Variants in RABGAP1 observed in about 807,000 individuals in gnomAD.
RABGAP1 encodes RAB GTPase activating protein 1.
RABGAP1 carries 23 observed loss-of-function variants against 137.6 expected under a neutral mutation model. That is an observed-to-expected ratio of 0.17 (90% CI 0.12 to 0.24). RABGAP1 has a LOEUF of 0.24. Ranked by LOEUF, RABGAP1 falls within the 10% of genes least tolerant of loss-of-function variation. The pLI is 1.00. For missense variants in RABGAP1, 906 were observed against 1,275.8 expected (o/e 0.71, Z 4.42); for synonymous variants, 451 against 450.7 (o/e 1.00, Z -0.01).
intron 2 of RABGAP1, among the ~76,000 whole-genome samples, chr9:122,970,782 C>G (rs931983953): frequency 4.6e-5 from 7 of 152,200 alleles, no homozygotes; most frequent in African/African-American, 1.7e-4. Context: ...GTAACTATCA[C>G]AGGATAGGAA....
chr9:122,949,034 C>T (rs1834084586), intron 1 of RABGAP1, among the ~76,000 whole-genome samples: 1 of 152,176 alleles, frequency 6.6e-6, no homozygotes, highest in Non-Finnish European at 1.5e-5. Context: ...GGTTTATACT[C>T]AGTAATTGCT....
intron 15 of RABGAP1, among the ~76,000 whole-genome samples, chr9:123,072,799 C>G (rs933953741): frequency 6.6e-6 from 1 of 152,234 alleles, no homozygotes; most frequent in Non-Finnish European, 1.5e-5. Flanking sequence ...CCTCCATCAT[C>G]TTGTTCCATA....
At chr9:123,099,437 C>T in intron 23 of RABGAP1, 41 bp from the exon 24 acceptor site, 9 of 1,535,672 alleles carry the variant, frequency 5.9e-6, no homozygotes, top group Non-Finnish European at 8.1e-6. Flanking sequence ...CAGATGATTA[C>T]AATTGCTCAA....
At chr9:122,953,085 T>C (rs915578942) in intron 1 of RABGAP1, among the ~76,000 whole-genome samples, 5 of 152,220 alleles carry the variant, frequency 3.3e-5, no homozygotes, top group Non-Finnish European at 7.3e-5. Context: ...TTTTCCTCAG[T>C]AATGTGTTTC....
chr9:122,951,906 C>T (rs539384195), intron 1 of RABGAP1, among the ~76,000 whole-genome samples: 87 of 152,294 alleles, frequency 5.7e-4, no homozygotes, highest in Non-Finnish European at 9.4e-4. Context: ...TATGGAGATG[C>T]ATTTTATGCT....
rs145451585 is a variant in RABGAP1, at chr9:123,101,617, C to T, written c.2941C>T (p.Arg981Cys). The stretch of plus-strand genomic sequence containing the variant: ...CCGGGAATTTTTCAACAAAGAAGGG[C>T]GTGTAAAAGGCATAAGCTCAACCAA... ...RCREFFNKEG[R>C]VKGISSTKEV... The change falls in exon 25 of 26, where the codon CGT becomes TGT. Residue 981 changes from arginine (R) to cysteine (C), a missense_variant. Physicochemically the swap from Arg to Cys is radical, Grantham distance 180. This residue lies in a region of RABGAP1 where 193 missense variants were observed against 248.1 expected (regional missense o/e 0.78). Transcript: ENST00000373647. 883 of 1,613,840 alleles carry T rather than the reference C, an allele frequency of 5.5e-4. 2 individuals are homozygous for T. Among genetic ancestry groups the T allele is most frequent in the Middle Eastern group, 3.5e-3 (21 of 6,062 alleles).
intron 10 of RABGAP1, among the ~76,000 whole-genome samples, chr9:123,000,847 C>T (rs920169302): frequency 2.6e-5 from 4 of 151,766 alleles, no homozygotes; most frequent in Non-Finnish European, 5.9e-5. Context: ...CATACTGTTT[C>T]TGTCTTTGTC....
At chr9:122,955,524 G>A (rs1564356835) in intron 1 of RABGAP1, among the ~76,000 whole-genome samples, 1 of 152,180 alleles carries the variant, frequency 6.6e-6, no homozygotes, top group Non-Finnish European at 1.5e-5. Flanking sequence ...TTAAATAAAA[G>A]GCAGCAGAGA....
chr9:122,938,132 G>A (rs1429381421), upstream of RABGAP1: 3 of 152,114 alleles, frequency 2.0e-5, no homozygotes, highest in African/African-American at 4.8e-5. Context: ...TAAAATACCC[G>A]CGGAACCCTG....
At chr9:122,956,062 A>T (rs1834499439) in intron 1 of RABGAP1, among the ~76,000 whole-genome samples, 1 of 152,266 alleles carries the variant, frequency 6.6e-6, no homozygotes, top group Non-Finnish European at 1.5e-5. Context: ...ATGAATTTTC[A>T]TAAGTGACAC....
At chr9:123,062,444 A>G (rs1343849107) in intron 13 of RABGAP1, 1 of 152,232 alleles carries the variant, frequency 6.6e-6, no homozygotes. Flanking sequence ...ACTCATCATT[A>G]TTAGAATTTC....
chr9:123,099,357 G>A, intron 23 of RABGAP1, 121 bp from the exon 24 acceptor site: 2 of 886,500 alleles, frequency 2.3e-6, no homozygotes, highest in Non-Finnish European at 3.6e-6. Flanking sequence ...CCCCTCCTGA[G>A]CGGTAGCAGG....
intron 21 of RABGAP1, 148 bp downstream of exon 21, chr9:123,090,533 C>T: frequency 1.7e-6 from 1 of 594,732 alleles, no homozygotes; most frequent in Non-Finnish European, 2.9e-6. Flanking sequence ...TGTCACTTCC[C>T]TCCTTTCCTT....
intron 25 of RABGAP1, among the ~76,000 whole-genome samples, chr9:123,102,722 G>A (rs1250808604): frequency 6.6e-6 from 1 of 152,128 alleles, no homozygotes; most frequent in African/African-American, 2.4e-5. Context: ...GGAAGAGAGT[G>A]TGTGGATCCA....
chr9:122,933,555 G>A, the RABGAP1 span, among the ~76,000 whole-genome samples: 1 of 151,816 alleles, frequency 6.6e-6, no homozygotes, highest in African/African-American at 2.4e-5. Context: ...CCGGGTTCAA[G>A]TGATTCTCCT....
chr9:122,959,826 T>C (rs1834756326), intron 2 of RABGAP1, among the ~76,000 whole-genome samples: 1 of 152,094 alleles, frequency 6.6e-6, no homozygotes, highest in African/African-American at 2.4e-5. Context: ...TGACTAAGAG[T>C]TGGGGGCCTT....
intron 24 of RABGAP1, among the ~76,000 whole-genome samples, chr9:123,100,382 GATGTGTGTGTGTGT>G (rs1367587297): frequency 7.7e-6 from 1 of 130,278 alleles, no homozygotes; most frequent in Non-Finnish European, 1.6e-5. Flanking sequence ...TGTTTAACCA[GATGTGTGTGTGTGT>G]GTGTGTGTGT....
intron 2 of RABGAP1, among the ~76,000 whole-genome samples, chr9:122,981,381 T>G (rs1564375858): frequency 6.6e-6 from 1 of 152,218 alleles, no homozygotes; most frequent in Non-Finnish European, 1.5e-5. Flanking sequence ...GTATTAATGT[T>G]GACTATATGA....
At chr9:123,042,951 A>G (rs983136970) in intron 13 of RABGAP1, among the ~76,000 whole-genome samples, 3 of 152,212 alleles carry the variant, frequency 2.0e-5, no homozygotes, top group Non-Finnish European at 4.4e-5. Context: ...GTCTAAACAT[A>G]CAAAGTATAG....
Sources: allele counts gnomAD v4.1 joint callset (sites outside exome capture counted in the v4.1 genomes callset), GRCh38; gene constraint gnomAD v4.1.1; regional missense constraint gnomAD v4.1.1; transcripts MANE v1.5; gene names NCBI Gene and HGNC (gene_info 2026-07-23, HGNC 2026-07-21).